Variants in WDR35 observed in about 807,000 individuals in gnomAD.
WDR35 encodes WD repeat-containing protein 35.
A neutral mutation model predicts 158.3 loss-of-function variants in WDR35; 118 were observed. The observed-to-expected ratio is 0.75, with a 90% confidence interval of 0.64 to 0.87. The LOEUF is 0.87. WDR35 is among the 40% of genes least tolerant of loss of function. WDR35 has a pLI of 0.00. For missense variants in WDR35, 1,263 were observed against 1,405.8 expected, an observed-to-expected ratio of 0.90 and a Z score of 1.62; for synonymous variants, 448 against 476.1, an observed-to-expected ratio of 0.94 and a Z score of 0.77.
At chr2:19,929,045 G>A (rs1220733946) in intron 25 of WDR35, among the ~76,000 whole-genome samples, 1 of 152,052 alleles carries the variant, frequency 6.6e-6, no homozygotes. Flanking sequence ...CTGACCTTGT[G>A]ATCCACCCGC....
intron 11 of WDR35, among the ~76,000 whole-genome samples, chr2:19,954,826 G>A (rs1356508304): frequency 6.6e-6 from 1 of 152,060 alleles, no homozygotes; most frequent in African/African-American, 2.4e-5. Flanking sequence ...ATAAAAACAT[G>A]TCCACACAAA....
intron 10 of WDR35, among the ~76,000 whole-genome samples, chr2:19,965,993 C>T (rs1410469951): frequency 6.6e-6 from 1 of 152,182 alleles, no homozygotes; most frequent in Admixed American, 6.5e-5. Context: ...CTCTAACCTA[C>T]AAAATGTTGT....
rs140753861 is a variant in WDR35 at position 19,966,867 on chromosome 2, G to T, written c.1051C>A (p.Pro351Thr). The change falls in exon 10 of 27, where the codon CCT becomes ACT. Residue 351 changes from proline (P) to threonine (T), a missense_variant. Coordinates refer to ENST00000281405, the MANE Select transcript of WDR35 (RefSeq NM_020779.4). Reference protein sequence around the residue: ...SNTVVYAYTRPDRPEYCVVFW... With the variant: ...SNTVVYAYTRTDRPEYCVVFW... ...ACAACACAATATTCTGGACGATCAG[G>T]TCTGGTATATGCATAAACTACAGTG... 1 of 1,613,866 alleles carries T rather than the reference G, an allele frequency of 6.2e-7. No homozygotes were observed. Among genetic ancestry groups the T allele is most frequent in the Non-Finnish European group, 8.5e-7 (1 of 1,179,926 alleles).
At chr2:19,924,900 C>T (rs563464046) in intron 25 of WDR35, among the ~76,000 whole-genome samples, 13 of 152,182 alleles carry the variant, frequency 8.5e-5, no homozygotes, top group Admixed American at 3.3e-4. Context: ...ACTGCTGAGC[C>T]TGAAATATGT....
Position 19,913,407 on chromosome 2 carries a change from A to C in WDR35, c.*151T>G. On this transcript the variant is annotated 3_prime_UTR_variant, in exon 27 of 27. Coordinates refer to ENST00000281405, the MANE Select transcript of WDR35 (RefSeq NM_020779.4). ...GTTGTATTGCCATAAAAATTATTTT[A>C]TTAACATATATTTTGTGCAAAAATT... is the stretch of plus-strand genomic sequence containing the variant. 1.1e-6 allele frequency: 1 copy of C among 885,310 alleles called. No homozygotes were observed. Among genetic ancestry groups the C allele is most frequent in the South Asian group, 2.1e-5 (1 of 48,012 alleles). 54.8% of individuals were successfully genotyped at this position (885,310 alleles called of 1,614,324 possible). A position where few individuals can be genotyped will look rare whatever the true frequency, so the allele number is the denominator to read the frequency against.
At chr2:19,981,423 G>A (rs922313849) in intron 3 of WDR35, among the ~76,000 whole-genome samples, 4 of 152,080 alleles carry the variant, frequency 2.6e-5, no homozygotes, top group African/African-American at 9.7e-5. Context: ...TTTACCAATT[G>A]TCCAAATAAT....
At chr2:19,945,348 A>T (rs754737421) in intron 16 of WDR35, among the ~76,000 whole-genome samples, 5 of 152,208 alleles carry the variant, frequency 3.3e-5, no homozygotes, top group African/African-American at 7.2e-5. Context: ...AATATAAATA[A>T]GACAAAGTAA....
At chr2:19,931,181 C>G (rs1411133922) in intron 24 of WDR35, 88 bp downstream of exon 24, 4 of 1,437,522 alleles carry the variant, frequency 2.8e-6, no homozygotes, top group Non-Finnish European at 3.8e-6. Flanking sequence ...AATTAAATGA[C>G]CTATCCATAA....
chr2:19,957,275 C>T (rs1310456356), intron 11 of WDR35, among the ~76,000 whole-genome samples: 3 of 152,068 alleles, frequency 2.0e-5, no homozygotes, highest in African/African-American at 4.8e-5. Context: ...TCAGTTACTA[C>T]AAAAAATAGA....
rs778963898 is a variant in WDR35 at position 19,966,933 on chromosome 2, G to A, written c.1009-24C>T. The stretch of plus-strand genomic sequence containing the variant: ...CACTAGGAAGAAAGGAAGGAGGAAA[G>A]GGAAGGAGATTGAAAGGGAGAAGAA... On this transcript the variant is annotated intron_variant, in intron 9 of 26. Coordinates refer to ENST00000281405, the MANE Select transcript of WDR35 (RefSeq NM_020779.4). 5.0e-6 allele frequency: 8 copies of A among 1,609,244 alleles called. No homozygotes were observed. The East Asian group carries it at 1.8e-4, about 36-fold the overall frequency.
chr2:19,978,997 A>G lies in WDR35; in HGVS notation c.308-118T>C, dbSNP rs1672301755. ...GGGACAAATAACTGCAAAGTTTTCT[A>G]CAACCTGAGACATTAAACTATAAAA... On this transcript the variant is annotated intron_variant, in intron 4 of 26. Transcript: ENST00000281405. 4.1e-6 allele frequency: 5 copies of G among 1,234,206 alleles called. No individual in the cohort carries two copies. In the Admixed American group the frequency reaches 1.1e-4, roughly 27 times the overall value. 76.5% of individuals were successfully genotyped at this position (1,234,206 alleles called of 1,614,324 possible). A position where few individuals can be genotyped will look rare whatever the true frequency, so the allele number is the denominator to read the frequency against.
intron 3 of WDR35, among the ~76,000 whole-genome samples, chr2:19,981,788 G>C (rs747095355): frequency 6.6e-6 from 1 of 152,084 alleles, no homozygotes; most frequent in Non-Finnish European, 1.5e-5. Flanking sequence ...CAAAGTGCTT[G>C]AACTATAGGT....
intron 8 of WDR35, among the ~76,000 whole-genome samples, chr2:19,972,748 A>G (rs1672070441): frequency 6.6e-6 from 1 of 152,110 alleles, no homozygotes; most frequent in South Asian, 2.1e-4. Context: ...AACAACTGGT[A>G]TAGGCTTTTA....
At chr2:19,944,675 A>G (rs1670990748) in intron 16 of WDR35, among the ~76,000 whole-genome samples, 4 of 152,164 alleles carry the variant, frequency 2.6e-5, no homozygotes, top group Admixed American at 2.6e-4. Flanking sequence ...ACTATTTCTC[A>G]GGGTCGAAGA....
chr2:19,916,731 G>T (rs1004783249), intron 25 of WDR35, among the ~76,000 whole-genome samples: 6 of 152,190 alleles, frequency 3.9e-5, no homozygotes, highest in African/African-American at 1.4e-4. Flanking sequence ...CCCCAGTCAG[G>T]GACTTATAGA....
At chr2:19,917,504 T>G (rs906375862) in intron 25 of WDR35, among the ~76,000 whole-genome samples, 1 of 151,930 alleles carries the variant, frequency 6.6e-6, no homozygotes, top group African/African-American at 2.4e-5. Flanking sequence ...TGAAAAAAGG[T>G]TAGACGAATT....
chr2:19,970,016 G>A (rs550945925), intron 8 of WDR35, among the ~76,000 whole-genome samples: 198 of 152,044 alleles, frequency 1.3e-3, no homozygotes, highest in African/African-American at 4.3e-3. Flanking sequence ...CAAACTGCTG[G>A]GATTACAGGC....
chr2:19,989,069 T>G lies in WDR35; in HGVS notation c.142+96A>C, dbSNP rs549879456. 7.3e-5 allele frequency: 79 copies of G among 1,084,128 alleles called. No homozygotes were observed. In the East Asian group the frequency reaches 1.7e-3, roughly 23 times the overall value. 67.2% of individuals were successfully genotyped at this position (1,084,128 alleles called of 1,614,324 possible). A position where few individuals can be genotyped will look rare whatever the true frequency, so the allele number is the denominator to read the frequency against. ...TTTGGTAGTTTTCCCTTTAAAATAATCAGAACTGCATATTGACAGATAACA... is the reference window on the plus strand; with the variant it reads ...TTTGGTAGTTTTCCCTTTAAAATAAGCAGAACTGCATATTGACAGATAACA... On this transcript the variant is annotated intron_variant, in intron 2 of 26. Coordinates refer to ENST00000281405, the MANE Select transcript of WDR35 (RefSeq NM_020779.4).
rs1032461020 is a variant in WDR35 at position 19,923,222 on chromosome 2, G to A, written c.3121+7174C>T. Among the ~76,000 whole-genome samples, 9 of 152,180 alleles carry A rather than the reference G, an allele frequency of 5.9e-5. 1 individual carries two copies. The highest frequency in any genetic ancestry group is 3.9e-4 in the Admixed American group (6 of 15,290). On this transcript the variant is annotated intron_variant, in intron 25 of 26. Coordinates refer to ENST00000281405, the MANE Select transcript of WDR35 (RefSeq NM_020779.4). The stretch of plus-strand genomic sequence containing the variant: ...GTGTGTTTTTAATTCCTTTAGCACC[G>A]CTGAGTTAGGGTCTCCCCGACCGAG...
Sources: gnomAD v4.1 joint callset for allele counts (sites outside exome capture counted in the v4.1 genomes callset) on GRCh38, gnomAD v4.1.1 for gene constraint, MANE v1.5 for transcripts, NCBI Gene and HGNC (gene_info 2026-07-23, HGNC 2026-07-21) for gene names.